EBF2: variants seen among roughly 807,000 people sequenced by gnomAD.
EBF2 encodes EBF transcription factor 2, also known as transcription factor COE2.
EBF2 carries 21 observed loss-of-function variants against 72.8 expected under a neutral mutation model. The observed-to-expected ratio is 0.29, with a 90% CI of 0.20 to 0.42. EBF2 has a LOEUF of 0.42. Among genes scored for constraint, EBF2 ranks in the 10% least tolerant of loss-of-function variants. EBF2 has a pLI of 1.00. For synonymous variants in EBF2, 299 were observed against 274.2 expected, an observed-to-expected ratio of 1.09 and a Z score of -0.89; for missense variants, 637 against 731.2, an observed-to-expected ratio of 0.87 and a Z score of 1.49.
At chr8:25,845,288 C>T (rs780052663) in intron 15 of EBF2, among the ~76,000 whole-genome samples, 59 of 152,162 alleles carry the variant, frequency 3.9e-4, no homozygotes, top group Non-Finnish European at 7.6e-4. Flanking sequence ...GGCTGGAGTG[C>T]AGTGGGGCCA....
chr8:25,901,666 A>G (rs184524416), intron 7 of EBF2, among the ~76,000 whole-genome samples: 38 of 152,310 alleles, frequency 2.5e-4, no homozygotes, highest in African/African-American at 8.9e-4. Flanking sequence ...GTGTCCTATA[A>G]TAGGTGATGC....
chr8:25,854,622 C>T lies in EBF2; in HGVS notation c.1528+3697G>A, dbSNP rs555127281. Among the ~76,000 whole-genome samples the T allele has an allele frequency of 2.0e-5, 3 of 152,184 alleles. No homozygotes were observed. In the South Asian group the frequency reaches 6.2e-4, roughly 32 times the overall value. ...CTCCTTTTTACCTATACGTGCTTTT[C>T]AAGTTGTCTGTAATGAGAATACTAC... On this transcript the variant is annotated intron_variant, in intron 14 of 15. Transcript: ENST00000520164.
intron 6 of EBF2, among the ~76,000 whole-genome samples, chr8:25,937,548 T>C (rs1803599544): frequency 6.6e-6 from 1 of 152,220 alleles, no homozygotes; most frequent in Non-Finnish European, 1.5e-5. Context: ...AATTTCACTA[T>C]TGACATGGGC....
intron 6 of EBF2, among the ~76,000 whole-genome samples, chr8:26,009,008 G>A (rs1804931817): frequency 6.7e-6 from 1 of 149,084 alleles, no homozygotes; most frequent in South Asian, 2.1e-4. Context: ...ATATTCTGAA[G>A]TGTTTCCTGC....
At position 26,041,995 on chromosome 8, in the gene EBF2, T is replaced by A. The variant is rs1805608798; in HGVS notation, c.288+100A>T. On this transcript the variant is annotated intron_variant, in intron 2 of 15. Transcript: ENST00000520164. The stretch of plus-strand genomic sequence containing the variant: ...AGCCTCGATTTATCATCCCTGATGG[T>A]GAGAGTGGAAAAGTGTCGCGAGAGT... The A allele has an allele frequency of 5.3e-6, 8 of 1,500,406 alleles. No homozygotes were observed. The Admixed American group carries it at 1.3e-4, about 25-fold the overall frequency. 92.9% of individuals were successfully genotyped at this position (1,500,406 alleles called of 1,614,324 possible). A position where few individuals can be genotyped will look rare whatever the true frequency, so the allele number is the denominator to read the frequency against.
intron 6 of EBF2, among the ~76,000 whole-genome samples, chr8:25,988,851 G>A (rs1451599977): frequency 6.6e-6 from 1 of 152,144 alleles, no homozygotes. Flanking sequence ...GGAAAAGCAA[G>A]AACTTCTACT....
At chr8:25,997,327 T>C (rs1350287604) in intron 6 of EBF2, among the ~76,000 whole-genome samples, 1 of 152,048 alleles carries the variant, frequency 6.6e-6, no homozygotes, top group Non-Finnish European at 1.5e-5. Context: ...TCCTAGCACT[T>C]TGGGAGGCCA....
At chr8:26,009,211 A>G (rs1804938175) in intron 6 of EBF2, among the ~76,000 whole-genome samples, 1 of 151,190 alleles carries the variant, frequency 6.6e-6, no homozygotes, top group Admixed American at 6.6e-5. Context: ...TCCTTGAATT[A>G]CTTCACAATG....
At chr8:25,971,237 A>G (rs1270161110) in intron 6 of EBF2, among the ~76,000 whole-genome samples, 1 of 152,266 alleles carries the variant, frequency 6.6e-6, no homozygotes, top group South Asian at 2.1e-4. Context: ...AATTCCTCCC[A>G]CCAAAAGCCA....
chr8:25,997,701 T>C lies in EBF2; in HGVS notation c.551+35384A>G, dbSNP rs138714621. ...TCTAGACCTGTTCTATCATTAACTA[T>C]AGTTTCAGTGCTATCTTGAGAAGGC... is the stretch of plus-strand genomic sequence containing the variant. On this transcript the variant is annotated intron_variant, in intron 6 of 15. Coordinates refer to ENST00000520164, the MANE Select transcript of EBF2 (RefSeq NM_022659.4). Among the ~76,000 whole-genome samples the C allele has an allele frequency of 4.1e-4, 62 of 152,266 alleles. 2 individuals are homozygous for C. In the East Asian group the frequency reaches 0.011, roughly 26 times the overall value.
intron 7 of EBF2, among the ~76,000 whole-genome samples, chr8:25,899,670 T>C (rs1375295858): frequency 6.6e-6 from 1 of 152,240 alleles, no homozygotes; most frequent in Non-Finnish European, 1.5e-5. Flanking sequence ...AGCTTGGCTC[T>C]TTTCCAAGAC....
At chr8:26,038,895 G>A (rs991222851) in intron 5 of EBF2, among the ~76,000 whole-genome samples, 60 of 152,250 alleles carry the variant, frequency 3.9e-4, no homozygotes, top group African/African-American at 1.3e-3. Context: ...GGAGCTGCCC[G>A]TAAAACAGTA....
intron 6 of EBF2, among the ~76,000 whole-genome samples, chr8:25,922,618 G>C (rs1020330085): frequency 6.6e-6 from 1 of 152,138 alleles, no homozygotes; most frequent in Non-Finnish European, 1.5e-5. Context: ...TTTCATAAAA[G>C]GCAGGGTAAC....
intron 6 of EBF2, among the ~76,000 whole-genome samples, chr8:26,022,808 C>T (rs1239042043): frequency 2.0e-5 from 3 of 152,184 alleles, no homozygotes; most frequent in Admixed American, 1.3e-4. Flanking sequence ...CCAGTCTAGA[C>T]TGATGAAATG....
chr8:26,024,878 A>G (rs969415095), intron 6 of EBF2, among the ~76,000 whole-genome samples: 10 of 152,222 alleles, frequency 6.6e-5, no homozygotes, highest in African/African-American at 2.4e-4. Flanking sequence ...AAATATTGGC[A>G]TCAAGATTTA....
intron 14 of EBF2, among the ~76,000 whole-genome samples, chr8:25,853,466 G>T (rs1267300821): frequency 6.6e-6 from 1 of 151,144 alleles, no homozygotes; most frequent in Admixed American, 6.6e-5. Flanking sequence ...TAATTAAAAC[G>T]GTAAAAAGAT....
chr8:25,858,402 T>G lies in EBF2; in HGVS notation c.1445A>C (p.Tyr482Ser). ...CAAGTTGGCCATGGGGACATTGCTG[T>G]AGCCATTCATACTGTTGCTGGAGGT... The part of the protein sequence containing the change: ...YSTSSNSMNG[Y>S]SNVPMANLGV... Residue 482 changes from tyrosine (Y) to serine (S), a missense_variant, in exon 14 of 16, where the codon TAC becomes TCC. Physicochemically the swap from Tyr to Ser is moderately radical, Grantham distance 144 (BLOSUM62 -2). Coordinates refer to ENST00000520164, the MANE Select transcript of EBF2 (RefSeq NM_022659.4). 3.7e-6 allele frequency: 6 copies of G among 1,614,180 alleles called. No individual in the cohort carries two copies. The highest frequency in any genetic ancestry group is 5.1e-6 in the Non-Finnish European group (6 of 1,180,020).
chr8:25,918,140 G>A (rs1028489409), intron 6 of EBF2, among the ~76,000 whole-genome samples: 1 of 152,168 alleles, frequency 6.6e-6, no homozygotes, highest in Non-Finnish European at 1.5e-5. Context: ...AGAAAGTGGC[G>A]GACAAAGTTC....
chr8:25,850,576 A>C lies in EBF2; in HGVS notation c.1696+18T>G. On this transcript the variant is annotated intron_variant, in intron 15 of 15. Coordinates refer to ENST00000520164, the MANE Select transcript of EBF2 (RefSeq NM_022659.4). ...CCTATGGTACATTGTGTATCCCCAA[A>C]ATAGAACCCTTGCTTACCTCTGAAT... 2 of 1,531,548 alleles carry C rather than the reference A, an allele frequency of 1.3e-6. No individual in the cohort carries two copies. Among genetic ancestry groups the C allele is most frequent in the Non-Finnish European group, 1.7e-6 (2 of 1,149,130 alleles). 94.9% of individuals were successfully genotyped at this position (1,531,548 alleles called of 1,614,324 possible).
Sources: gnomAD v4.1 joint callset for allele counts (sites outside exome capture counted in the v4.1 genomes callset) on GRCh38, gnomAD v4.1.1 for gene constraint, MANE v1.5 for transcripts, NCBI Gene and HGNC (gene_info 2026-07-23, HGNC 2026-07-21) for gene names.